The following ZNF558 variants were observed in gnomAD, a reference collection of about 807,000 sequenced individuals.
The protein encoded by ZNF558 is zinc finger protein 558.
ZNF558 carries 23 observed loss-of-function variants against 37.6 expected under a neutral mutation model. The ratio of observed to expected loss-of-function variants is 0.61; its 90% CI spans 0.44 to 0.87. The LOEUF is 0.87. Ranked by LOEUF, ZNF558 falls within the 40% of genes least tolerant of loss-of-function variation. The probability of loss-of-function intolerance (pLI) is 0.00; values close to 1 mark genes in which losing one functional copy is unlikely to be tolerated. For synonymous variants in ZNF558, 189 were observed against 174.4 expected, an observed-to-expected ratio of 1.08 and a Z score of -0.66; for missense variants, 429 against 483.7, an observed-to-expected ratio of 0.89 and a Z score of 1.06.
chr19:8,829,046 G>A (rs946691057), intron 2 of ZNF558, among the ~76,000 whole-genome samples: 25 of 151,390 alleles, frequency 1.7e-4, no homozygotes, highest in South Asian at 6.3e-4. Flanking sequence ...GGTGGATCAC[G>A]AAGTCAGGAG....
chr19:8,813,258 A>G, intron 7 of ZNF558, 36 bp from the exon 8 acceptor site: 1 of 1,513,784 alleles, frequency 6.6e-7, no homozygotes, highest in South Asian at 1.2e-5. Flanking sequence ...TATAGGTAAC[A>G]GTGCTGGGGA....
rs77150341 is a variant in ZNF558, at chr19:8,819,003, T to C, written c.247+2177A>G. On this transcript the variant is annotated intron_variant, in intron 7 of 9. Transcript: ENST00000601372. ...TGAAGTTGACCCTTTCTCCACACCA[T>C]AAGCAAAATTCACTCAAAATCTATC... is the stretch of plus-strand genomic sequence containing the variant. Among the ~76,000 whole-genome samples, 825 of 152,302 alleles carry C rather than the reference T, an allele frequency of 5.4e-3. 14 individuals carry two copies. Among genetic ancestry groups the C allele is most frequent in the African/African-American group, 0.019 (781 of 41,554 alleles).
At chr19:8,827,213 C>T (rs2044251728) in intron 2 of ZNF558, among the ~76,000 whole-genome samples, 1 of 152,076 alleles carries the variant, frequency 6.6e-6, no homozygotes, top group African/African-American at 2.4e-5. Flanking sequence ...GCAGATGGGC[C>T]ACTCTATGTC....
chr19:8,817,648 T>C (rs2043972594), intron 7 of ZNF558, among the ~76,000 whole-genome samples: 1 of 152,204 alleles, frequency 6.6e-6, no homozygotes, highest in Non-Finnish European at 1.5e-5. Flanking sequence ...ATACTGTCTA[T>C]AAGACACTTG....
In ZNF558 at chr19:8,812,650, C is replaced by G. The variant is rs782709421; in HGVS notation, c.344-7G>C. ...TTAAGTAGAGTCTCCAAATCTGAAA[C>G]AAATTGAAAAGAAATTTAGGTTGAT... On this transcript the variant is annotated splice_polypyrimidine_tract_variant and splice_region_variant and intron_variant, in intron 8 of 9. Coordinates refer to ENST00000601372, the MANE Select transcript of ZNF558 (RefSeq NM_144693.3). 2 of 1,574,822 alleles carry G rather than the reference C, an allele frequency of 1.3e-6. No individual in the cohort carries two copies. Among genetic ancestry groups the G allele is most frequent in the Non-Finnish European group, 1.7e-6 (2 of 1,163,676 alleles).
At position 8,824,217 on chromosome 19, in the gene ZNF558, C is replaced by G. The variant is rs1434645846; in HGVS notation, c.-201G>C. On this transcript the variant is annotated 5_prime_UTR_variant, in exon 4 of 10. Transcript: ENST00000601372. Reference sequence around the variant, plus strand: ...ATGTTGCTCTAGAGGACACCAGTTGCCATGGTGGGAAGACGCTCAAGTGGC... The same window carrying G: ...ATGTTGCTCTAGAGGACACCAGTTGGCATGGTGGGAAGACGCTCAAGTGGC... 6.6e-6 allele frequency: 1 copy of G among 152,276 alleles called. No individual in the cohort carries two copies. The highest frequency in any genetic ancestry group is 1.5e-5 in the Non-Finnish European group (1 of 68,126). 9.4% of individuals were successfully genotyped at this position (152,276 alleles called of 1,614,324 possible).
At chr19:8,827,702 C>G (rs889189969) in intron 2 of ZNF558, among the ~76,000 whole-genome samples, 4 of 151,258 alleles carry the variant, frequency 2.6e-5, no homozygotes, top group African/African-American at 7.3e-5. Flanking sequence ...GCCTCCCGAG[C>G]AGCTGGGACT....
At chr19:8,816,370 CAT>C in intron 7 of ZNF558, among the ~76,000 whole-genome samples, 1 of 152,192 alleles carries the variant, frequency 6.6e-6, no homozygotes, top group East Asian at 1.9e-4. Context: ...GCATCAAACA[CAT>C]ATTAATCAAA....
At position 8,822,802 on chromosome 19, in the gene ZNF558, A is replaced by G; in HGVS notation, c.-65-78T>C. The G allele has an allele frequency of 8.3e-7, 1 of 1,205,482 alleles. No individual in the cohort carries two copies. Among genetic ancestry groups the G allele is most frequent in the African/African-American group, 1.5e-5 (1 of 66,662 alleles). The allele number at this position is 1,205,482 out of a possible 1,614,324, so 74.7% of individuals were successfully genotyped here. ...GCTGGGGATGGGCCCTCCTCAACCC[A>G]TCCTTCCCATCCTTCTTCAAATGCA... On this transcript the variant is annotated intron_variant, in intron 4 of 9. Coordinates refer to ENST00000601372, the MANE Select transcript of ZNF558 (RefSeq NM_144693.3). This position sits in a 1 kb window ranked among gnomAD's most constrained non-coding sequence, Gnocchi z 4.4.
upstream of ZNF558, chr19:8,833,538 C>G (rs907159518): frequency 2.0e-5 from 3 of 152,202 alleles, no homozygotes; most frequent in African/African-American, 4.8e-5. Context: ...TACCTCCCCC[C>G]CAACAAGTCT....
At chr19:8,832,402 G>C (rs922537345), upstream of ZNF558, 2 of 152,860 alleles carry the variant, frequency 1.3e-5, no homozygotes, top group African/African-American at 2.4e-5. Flanking sequence ...TTGGGGGTTC[G>C]GCGCTTAGGC....
Position 8,811,584 on chromosome 19 carries a change from C to T in ZNF558, c.906G>A (p.Arg302=), listed in dbSNP as rs1555768027. ...CGTGCTGTGTCAGATAGGAGCTCTT[C>T]CTGAAGGTTTTCCCACAATCGTGAC... ...YECHDCGKTF[R]KSSYLTQHVR... is the part of the protein sequence containing the mutation. Residue 302 remains arginine, a synonymous_variant, in exon 10 of 10, where the codon AGG becomes AGA. Transcript: ENST00000601372. The T allele has an allele frequency of 1.2e-6, 2 of 1,613,792 alleles. No homozygotes were observed. The highest frequency in any genetic ancestry group is 1.7e-6 in the Non-Finnish European group (2 of 1,179,942).
intron 1 of ZNF558, among the ~76,000 whole-genome samples, chr19:8,831,744 GTAGTT>G (rs1464766169): frequency 6.6e-6 from 1 of 152,204 alleles, no homozygotes; most frequent in Non-Finnish European, 1.5e-5. Context: ...AACAATTTAT[GTAGTT>G]TATTCAGAAC....
the ZNF558 span, among the ~76,000 whole-genome samples, chr19:8,837,657 C>G: frequency 6.6e-6 from 1 of 152,132 alleles, no homozygotes; most frequent in African/African-American, 2.4e-5. Flanking sequence ...TCACACTGGC[C>G]TCATGGACAA....
At position 8,807,997 on chromosome 19, in the gene ZNF558, T is replaced by C. The variant is rs1007550955; in HGVS notation, c.*3284A>G. ...CATCTGTAAACTGGGGATAATAACA[T>C]TACATACTTAAGTTTATAATGCATA... On this transcript the variant is annotated 3_prime_UTR_variant, in exon 10 of 10. Coordinates refer to ENST00000601372, the MANE Select transcript of ZNF558 (RefSeq NM_144693.3). 7 of 152,192 alleles carry C rather than the reference T, an allele frequency of 4.6e-5. No individual in the cohort carries two copies. Among genetic ancestry groups the C allele is most frequent in the Non-Finnish European group, 8.8e-5 (6 of 68,042 alleles). 9.4% of individuals were successfully genotyped at this position (152,192 alleles called of 1,614,324 possible).
chr19:8,822,189 G>C lies in ZNF558; in HGVS notation c.32-98C>G. The C allele has an allele frequency of 6.8e-7, 1 of 1,461,386 alleles. No individual in the cohort carries two copies. Among genetic ancestry groups the C allele is most frequent in the Non-Finnish European group, 9.4e-7 (1 of 1,059,444 alleles). The allele number at this position is 1,461,386 out of a possible 1,614,324, so 90.5% of individuals were successfully genotyped here. A position where few individuals can be genotyped will look rare whatever the true frequency, so the allele number is the denominator to read the frequency against. On this transcript the variant is annotated intron_variant, in intron 5 of 9. Coordinates refer to ENST00000601372, the MANE Select transcript of ZNF558 (RefSeq NM_144693.3). The surrounding 1 kb of genome is among the most constrained non-coding windows in gnomAD (Gnocchi z 4.4). ...ACCCACCTCCCACACCCACACGGAT[G>C]AGGCACCACACAGTGCCCACCTACG... is the stretch of plus-strand genomic sequence containing the variant.
Position 8,811,714 on chromosome 19 carries a change from G to A in ZNF558, c.776C>T (p.Thr259Met), listed in dbSNP as rs1235160974. Residue 259 changes from threonine (T) to methionine (M), a missense_variant, in exon 10 of 10, where the codon ACG becomes ATG. Transcript: ENST00000601372. ...ATTACATTCATGGTGATTCTCCCCCGTGTGAATCCTCTTGTGGCTTTTGAG... is the reference window on the plus strand; with the variant it reads ...ATTACATTCATGGTGATTCTCCCCCATGTGAATCCTCTTGTGGCTTTTGAG... ...CNLKSHKRIH[T>M]GENHHECNQC... 7 of 1,613,834 alleles carry A rather than the reference G, an allele frequency of 4.3e-6. No homozygotes were observed. Among genetic ancestry groups the A allele is most frequent in the East Asian group, 2.2e-5 (1 of 44,862 alleles).
At chr19:8,823,421 C>CT (rs1568472394) in intron 4 of ZNF558, among the ~76,000 whole-genome samples, 2 of 113,930 alleles carry the variant, frequency 1.8e-5, no homozygotes, top group Non-Finnish European at 3.7e-5. Context: ...TCAGTCAGCC[C>CT]CCCTCCTGCC....
At chr19:8,813,096 T>G in intron 8 of ZNF558, 31 bp downstream of exon 8, 1 of 1,537,134 alleles carries the variant, frequency 6.5e-7, no homozygotes, top group Non-Finnish European at 8.9e-7. Context: ...GAGCTATTCC[T>G]CACAAGGGCT....
Sources: gnomAD v4.1 joint callset for allele counts (sites outside exome capture counted in the v4.1 genomes callset) on GRCh38, gnomAD v4.1.1 for gene constraint, Gnocchi (gnomAD v3.1) non-coding constraint, MANE v1.5 for transcripts, NCBI Gene and HGNC (gene_info 2026-07-23, HGNC 2026-07-21) for gene names.